The following EDAR variants were observed in gnomAD, a reference collection of about 807,000 sequenced individuals.
The protein encoded by EDAR is tumor necrosis factor receptor superfamily member EDAR.
A neutral mutation model predicts 51.3 loss-of-function variants in EDAR; 38 were observed. That is an observed-to-expected ratio of 0.74 (90% CI 0.57 to 0.97). EDAR has a LOEUF of 0.97. EDAR is among the 50% of genes least tolerant of loss of function. The probability of loss-of-function intolerance (pLI) is 0.00; values close to 1 mark genes in which losing one functional copy is unlikely to be tolerated. For synonymous variants in EDAR, 227 were observed against 242.1 expected (o/e 0.94, Z 0.58); for missense variants, 528 against 595.0 (o/e 0.89, Z 1.17).
intron 11 of EDAR, among the ~76,000 whole-genome samples, chr2:108,900,093 A>G (rs1235285624): frequency 6.6e-6 from 1 of 152,248 alleles, no homozygotes; most frequent in African/African-American, 2.4e-5. Flanking sequence ...ATCAAAATGT[A>G]TCACTCAAAA....
chr2:108,944,196 C>T (rs377561108), intron 1 of EDAR, among the ~76,000 whole-genome samples: 13 of 152,266 alleles, frequency 8.5e-5, no homozygotes, highest in African/African-American at 3.1e-4. Context: ...TCACTGCAAC[C>T]TCTGCCTCCT....
At chr2:108,916,449 G>A (rs1697029536) in intron 5 of EDAR, among the ~76,000 whole-genome samples, 1 of 152,138 alleles carries the variant, frequency 6.6e-6, no homozygotes, top group Admixed American at 6.5e-5. Context: ...AGCCCTGCAG[G>A]GCTGGTTACA....
rs762380085 is a variant in EDAR at position 108,910,516 on chromosome 2, G to A, written c.747C>T (p.Phe249=). The A allele has an allele frequency of 6.2e-7, 1 of 1,613,460 alleles. No individual in the cohort carries two copies. Among genetic ancestry groups the A allele is most frequent in the South Asian group, 1.1e-5 (1 of 90,994 alleles). Residue 249 remains phenylalanine (F), a synonymous_variant, in exon 9 of 12, where the codon TTC becomes TTT. Coordinates refer to ENST00000258443, the MANE Select transcript of EDAR (RefSeq NM_022336.4). ...GCTTCTCAAATTCATCCTTCTCGGA[G>A]AACATCACCACGTTGTCTGCAGGGA... ...KKEAPDNVVM[F]SEKDEFEKLT...
intron 1 of EDAR, among the ~76,000 whole-genome samples, chr2:108,961,260 T>G (rs113331176): frequency 6.6e-6 from 1 of 151,942 alleles, no homozygotes; most frequent in Non-Finnish European, 1.5e-5. Flanking sequence ...AGGGAACAGT[T>G]GCCAGTCCTT....
intron 11 of EDAR, among the ~76,000 whole-genome samples, chr2:108,903,806 T>C (rs574978626): frequency 6.6e-6 from 1 of 152,238 alleles, no homozygotes; most frequent in East Asian, 1.9e-4. Context: ...ATAAAAACTA[T>C]GTGGACTTAG....
At chr2:108,938,705 AT>A (rs1457631319) in intron 1 of EDAR, among the ~76,000 whole-genome samples, 2 of 152,078 alleles carry the variant, frequency 1.3e-5, no homozygotes, top group Non-Finnish European at 2.9e-5. Flanking sequence ...GAGGGAAAGC[AT>A]TTTCAGGGTG....
intron 11 of EDAR, among the ~76,000 whole-genome samples, chr2:108,897,922 T>C (rs1696630510): frequency 6.6e-6 from 1 of 152,210 alleles, no homozygotes; most frequent in African/African-American, 2.4e-5. Flanking sequence ...GGGACCTCGA[T>C]ACCTTAGGAT....
intron 11 of EDAR, among the ~76,000 whole-genome samples, chr2:108,901,636 G>GA (rs1398405960): frequency 3.9e-5 from 6 of 152,080 alleles, no homozygotes; most frequent in African/African-American, 1.4e-4. Context: ...ACACACCATA[G>GA]ATATCAAACA....
At position 108,923,459 on chromosome 2, in the gene EDAR, G is replaced by A. The variant is rs941370719; in HGVS notation, c.357-6C>T. ...TGTTCTCCAGCATGTAGTAGCTACG[G>A]GGGAGAGACAAGACAAAACAGAGAC... On this transcript the variant is annotated splice_polypyrimidine_tract_variant and splice_region_variant and intron_variant, in intron 4 of 11. Coordinates refer to ENST00000258443, the MANE Select transcript of EDAR (RefSeq NM_022336.4). The A allele has an allele frequency of 4.3e-6, 7 of 1,613,796 alleles. No homozygotes were observed. Among genetic ancestry groups the A allele is most frequent in the Non-Finnish European group, 5.9e-6 (7 of 1,179,816 alleles).
At chr2:108,917,528 C>T (rs1697049439) in intron 5 of EDAR, among the ~76,000 whole-genome samples, 1 of 152,202 alleles carries the variant, frequency 6.6e-6, no homozygotes, top group Admixed American at 6.5e-5. Context: ...ACCCCATAAA[C>T]ATGTGCAATT....
chr2:108,977,278 CT>C (rs1002338565), intron 1 of EDAR, among the ~76,000 whole-genome samples: 5 of 151,868 alleles, frequency 3.3e-5, no homozygotes, highest in African/African-American at 1.2e-4. Context: ...CTCGCCTTTT[CT>C]TTTTTTTGAG....
At chr2:108,960,206 G>T (rs1698012388) in intron 1 of EDAR, among the ~76,000 whole-genome samples, 1 of 152,158 alleles carries the variant, frequency 6.6e-6, no homozygotes, top group South Asian at 2.1e-4. Flanking sequence ...GTTCTCCCCG[G>T]GGCTGCAGTT....
At chr2:108,931,317 C>T (rs767122027) in intron 1 of EDAR, among the ~76,000 whole-genome samples, 6 of 152,192 alleles carry the variant, frequency 3.9e-5, no homozygotes, top group Admixed American at 6.5e-5. Flanking sequence ...TTGTGTTTCT[C>T]GTGCTCAGAG....
rs1696949660 is a variant in EDAR at position 108,912,686 on chromosome 2, G to A, written c.521C>T (p.Ala174Val). ...GSSTLSPFQHAHKELSGQGHL... is the reference protein window; with the variant it reads ...GSSTLSPFQHVHKELSGQGHL... ...CTGAGCACCCTCCTCACCTTTGTGG[G>A]CGTGCTGGAAGGGAGACAGGGTGCT... The change falls in exon 6 of 12, where the codon GCC becomes GTC. Residue 174 changes from alanine to valine, a missense_variant. Coordinates refer to ENST00000258443, the MANE Select transcript of EDAR (RefSeq NM_022336.4). The A allele has an allele frequency of 6.9e-6, 11 of 1,593,276 alleles. No individual in the cohort carries two copies. Among genetic ancestry groups the A allele is most frequent in the Non-Finnish European group, 9.4e-6 (11 of 1,169,946 alleles).
intron 1 of EDAR, among the ~76,000 whole-genome samples, chr2:108,932,995 G>A (rs1574388433): frequency 6.6e-6 from 1 of 152,164 alleles, no homozygotes; most frequent in African/African-American, 2.4e-5. Context: ...TAGGAAGAGG[G>A]TGGGCAGAAT....
At chr2:108,939,151 T>G (rs1189576189) in intron 1 of EDAR, among the ~76,000 whole-genome samples, 3 of 152,056 alleles carry the variant, frequency 2.0e-5, no homozygotes. Flanking sequence ...CTTCAGCACT[T>G]TAATACACAT....
intron 1 of EDAR, among the ~76,000 whole-genome samples, chr2:108,951,127 C>T (rs1170380293): frequency 6.6e-6 from 1 of 152,230 alleles, no homozygotes. Context: ...TTCTCAGCAT[C>T]CTGAGAGGAT....
intron 1 of EDAR, among the ~76,000 whole-genome samples, chr2:108,958,409 G>GAA (rs796196366): frequency 3.4e-5 from 5 of 145,716 alleles, no homozygotes; most frequent in African/African-American, 1.3e-4. Context: ...CCTTCAGCAG[G>GAA]AAAAAAAAAA....
intron 1 of EDAR, among the ~76,000 whole-genome samples, chr2:108,969,828 G>A (rs914985753): frequency 2.0e-5 from 3 of 152,218 alleles, no homozygotes; most frequent in Non-Finnish European, 4.4e-5. Context: ...ACGCAAGGCA[G>A]TGTGCAATGA....
Sources: allele counts gnomAD v4.1 joint callset (sites outside exome capture counted in the v4.1 genomes callset), GRCh38; gene constraint gnomAD v4.1.1; transcripts MANE v1.5; gene names NCBI Gene and HGNC (gene_info 2026-07-23, HGNC 2026-07-21).